The following SYT1 variants were observed in gnomAD, a reference collection of about 807,000 sequenced individuals.
SYT1 encodes the protein synaptotagmin 1.
A neutral mutation model predicts 44.8 loss-of-function variants in SYT1; 8 were observed. The ratio of observed to expected loss-of-function variants is 0.18; its 90% confidence interval spans 0.10 to 0.32. SYT1 has a LOEUF of 0.32. Ranked by LOEUF, SYT1 falls within the 10% of genes least tolerant of loss-of-function variation. The probability of loss-of-function intolerance (pLI) is 1.00; values close to 1 mark genes in which losing one functional copy is unlikely to be tolerated. For synonymous variants in SYT1, 154 were observed against 188.8 expected (o/e 0.82, Z 1.51); for missense variants, 286 against 509.3 (o/e 0.56, Z 4.22).
intron 4 of SYT1, among the ~76,000 whole-genome samples, chr12:79,282,235 A>G (rs1879089730): frequency 6.6e-6 from 1 of 152,206 alleles, no homozygotes; most frequent in Non-Finnish European, 1.5e-5. Flanking sequence ...GCTTCCAGAA[A>G]ATAGGATGTG....
intron 9 of SYT1, among the ~76,000 whole-genome samples, chr12:79,435,203 A>G (rs1282598492): frequency 6.6e-6 from 1 of 152,198 alleles, no homozygotes; most frequent in Non-Finnish European, 1.5e-5. Context: ...CTGGAAAGCA[A>G]TGGCTGGGAC....
intron 4 of SYT1, among the ~76,000 whole-genome samples, chr12:79,246,275 T>C (rs1254967788): frequency 6.6e-6 from 1 of 152,174 alleles, no homozygotes; most frequent in African/African-American, 2.4e-5. Context: ...GCCTCTACTC[T>C]TTTATTCACG....
intron 4 of SYT1, among the ~76,000 whole-genome samples, chr12:79,284,107 T>C (rs1455896191): frequency 6.7e-6 from 1 of 150,174 alleles, no homozygotes; most frequent in African/African-American, 2.4e-5. Context: ...CTTTTTTTTT[T>C]ATTACAACAG....
chr12:78,885,313 G>A (rs945941304), intron 1 of SYT1, among the ~76,000 whole-genome samples: 7 of 46,774 alleles, frequency 1.5e-4, no homozygotes, highest in East Asian at 9.5e-4. Context: ...AGGAGAGAGG[G>A]AGGGAAGAAG....
At chr12:79,254,489 A>T (rs913616261) in intron 4 of SYT1, among the ~76,000 whole-genome samples, 50 of 152,220 alleles carry the variant, frequency 3.3e-4, no homozygotes, top group African/African-American at 1.2e-3. Flanking sequence ...GCAGGAGGAG[A>T]TTGATGTTGT....
At chr12:79,257,054 T>C (rs1182600215) in intron 4 of SYT1, among the ~76,000 whole-genome samples, 1 of 152,180 alleles carries the variant, frequency 6.6e-6, no homozygotes, top group Non-Finnish European at 1.5e-5. Flanking sequence ...ATCTTAAAGA[T>C]GTAGGGCACA....
At chr12:79,080,399 T>C (rs1876950430) in intron 3 of SYT1, among the ~76,000 whole-genome samples, 1 of 152,142 alleles carries the variant, frequency 6.6e-6, no homozygotes, top group Non-Finnish European at 1.5e-5. Context: ...GCAAAACAGA[T>C]TTAATGATTA....
intron 1 of SYT1, among the ~76,000 whole-genome samples, chr12:78,956,477 C>A (rs1255231783): frequency 6.6e-6 from 1 of 151,804 alleles, no homozygotes; most frequent in Non-Finnish European, 1.5e-5. Flanking sequence ...TCTCTCCCTA[C>A]CCCTGCTAGA....
intron 3 of SYT1, among the ~76,000 whole-genome samples, chr12:79,143,746 G>C (rs767644241): frequency 6.6e-6 from 1 of 152,084 alleles, no homozygotes; most frequent in Non-Finnish European, 1.5e-5. Flanking sequence ...CTCGAGCAAC[G>C]TTGGAAAATG....
At chr12:78,901,084 CTCTA>C (rs1424603925) in intron 1 of SYT1, among the ~76,000 whole-genome samples, 4 of 152,030 alleles carry the variant, frequency 2.6e-5, no homozygotes, top group African/African-American at 7.2e-5. Flanking sequence ...GGATATGTAT[CTCTA>C]TCTGTTTGAT....
intron 1 of SYT1, among the ~76,000 whole-genome samples, chr12:78,951,364 A>G (rs1017780581): frequency 6.6e-6 from 1 of 152,174 alleles, no homozygotes. Context: ...AACAAATTAC[A>G]CATAGAATCA....
chr12:79,143,467 T>C (rs901216244), intron 3 of SYT1, among the ~76,000 whole-genome samples: 23 of 152,214 alleles, frequency 1.5e-4, no homozygotes, highest in African/African-American at 5.5e-4. Context: ...CTGAGCTCAA[T>C]TGTCATTTTT....
intron 3 of SYT1, among the ~76,000 whole-genome samples, chr12:79,073,974 A>G (rs958166235): frequency 6.6e-6 from 1 of 152,150 alleles, no homozygotes; most frequent in African/African-American, 2.4e-5. Flanking sequence ...TCATTTGCTT[A>G]TTTAACTAAA....
At chr12:79,050,688 A>G (rs1326004394) in intron 3 of SYT1, among the ~76,000 whole-genome samples, 1 of 152,092 alleles carries the variant, frequency 6.6e-6, no homozygotes, top group Non-Finnish European at 1.5e-5. Context: ...AAAAACAAAT[A>G]TAGCAAGAAG....
At chr12:79,312,792 A>C (rs1880876363) in intron 8 of SYT1, among the ~76,000 whole-genome samples, 1 of 120,286 alleles carries the variant, frequency 8.3e-6, no homozygotes, top group African/African-American at 3.6e-5. Flanking sequence ...TTTTTTGATA[A>C]GGCTTGTAAC....
intron 2 of SYT1, among the ~76,000 whole-genome samples, chr12:79,026,621 T>C (rs1872539739): frequency 6.8e-6 from 1 of 146,560 alleles, no homozygotes; most frequent in African/African-American, 2.5e-5. Context: ...TTGTTCCTTT[T>C]ATACACATAT....
chr12:79,166,659 G>A (rs901226654), intron 3 of SYT1, among the ~76,000 whole-genome samples: 2 of 151,888 alleles, frequency 1.3e-5, no homozygotes, highest in Non-Finnish European at 2.9e-5. Flanking sequence ...TCTATTTTTA[G>A]AAATGCAATT....
chr12:79,020,271 G>A (rs1374924025), intron 2 of SYT1, among the ~76,000 whole-genome samples: 1 of 151,832 alleles, frequency 6.6e-6, no homozygotes, highest in Non-Finnish European at 1.5e-5. Context: ...AGCATGTTGC[G>A]AATGTGACTC....
intron 1 of SYT1, among the ~76,000 whole-genome samples, chr12:78,972,268 G>GTAAT (rs1345036370): frequency 2.0e-5 from 3 of 151,898 alleles, no homozygotes; most frequent in African/African-American, 7.2e-5. Flanking sequence ...CATGTCTCAG[G>GTAAT]TAATTAGCTG....
Sources: gnomAD v4.1 joint callset for allele counts (sites outside exome capture counted in the v4.1 genomes callset) on GRCh38, gnomAD v4.1.1 for gene constraint, MANE v1.5 for transcripts, NCBI Gene and HGNC (gene_info 2026-07-23, HGNC 2026-07-21) for gene names.